The following COL11A1 variants were observed in gnomAD, a reference collection of about 807,000 sequenced individuals.
COL11A1 encodes the protein collagen type XI alpha 1 chain.
Under a neutral mutation model 265.2 loss-of-function variants are expected in COL11A1, and 74 were observed. That is an observed-to-expected ratio of 0.28 (90% confidence interval 0.23 to 0.34). The LOEUF (loss-of-function observed/expected upper bound fraction) is 0.34. Among genes scored for constraint, COL11A1 ranks in the 10% least tolerant of loss-of-function variants. The pLI is 1.00. For synonymous variants in COL11A1, 816 were observed against 727.6 expected (o/e 1.12, Z -1.96); for missense variants, 2,165 against 2,263.6 (o/e 0.96, Z 0.88).
intron 63 of COL11A1, among the ~76,000 whole-genome samples, chr1:102,885,873 G>T (rs1282808575): frequency 1.3e-5 from 2 of 152,016 alleles, no homozygotes; most frequent in African/African-American, 4.8e-5. Flanking sequence ...GTATAGGAAC[G>T]CTAATAATTA....
rs757184774 is a variant in COL11A1 at position 103,025,563 on chromosome 1, A to G, written c.948T>C (p.Ser316=). The G allele has an allele frequency of 6.2e-7, 1 of 1,613,800 alleles. No individual in the cohort carries two copies. Among genetic ancestry groups the G allele is most frequent in the Non-Finnish European group, 8.5e-7 (1 of 1,179,874 alleles). The change falls in exon 7 of 67, where the codon AGT becomes AGC. Residue 316 remains serine, a synonymous_variant. Transcript: ENST00000370096. ...CATGCCTAGGAGCTTCTGTCTGGTA[A>G]CTTTCCATTGTTCCATAGTTGTATT... ...FQEYNYGTME[S]YQTEAPRHVS... is the part of the protein sequence containing the mutation.
intron 14 of COL11A1, among the ~76,000 whole-genome samples, chr1:103,010,793 C>T (rs1372230558): frequency 2.6e-5 from 4 of 151,870 alleles, no homozygotes; most frequent in Non-Finnish European, 4.4e-5. Context: ...CTCCACATCC[C>T]GGGTTCAAGC....
At chr1:103,046,998 G>C (rs1205173436) in intron 4 of COL11A1, among the ~76,000 whole-genome samples, 1 of 152,066 alleles carries the variant, frequency 6.6e-6, no homozygotes, top group Non-Finnish European at 1.5e-5. Flanking sequence ...ATGTTGTTTT[G>C]GTTACTGTAG....
At chr1:102,943,236 T>G (rs958522274) in intron 42 of COL11A1, among the ~76,000 whole-genome samples, 1 of 152,054 alleles carries the variant, frequency 6.6e-6, no homozygotes, top group Admixed American at 6.6e-5. Flanking sequence ...GATTTACATG[T>G]CCCTACTCCA....
At chr1:103,094,780 T>C (rs1673609939) in intron 1 of COL11A1, among the ~76,000 whole-genome samples, 1 of 152,132 alleles carries the variant, frequency 6.6e-6, no homozygotes, top group Non-Finnish European at 1.5e-5. Flanking sequence ...TAATCAACTG[T>C]TTATTTTGTC....
intron 42 of COL11A1, among the ~76,000 whole-genome samples, chr1:102,943,277 A>C (rs1286247501): frequency 6.6e-6 from 1 of 151,746 alleles, no homozygotes; most frequent in Non-Finnish European, 1.5e-5. Context: ...TTTCTTTTTG[A>C]ATCAATTTAG....
At chr1:102,896,987 T>C (rs539938242) in intron 57 of COL11A1, among the ~76,000 whole-genome samples, 1 of 152,102 alleles carries the variant, frequency 6.6e-6, no homozygotes, top group Admixed American at 6.5e-5. Flanking sequence ...GGGGCCCTTT[T>C]CCTAAGCTGA....
At chr1:103,031,035 A>T in intron 5 of COL11A1, 81 bp downstream of exon 5, 2 of 1,480,908 alleles carry the variant, frequency 1.4e-6, no homozygotes, top group Non-Finnish European at 1.9e-6. Flanking sequence ...AAATGGAATA[A>T]ATAAGTATAA....
chr1:103,017,824 T>C lies in COL11A1; in HGVS notation c.1409A>G (p.Asp470Gly). 1.2e-6 allele frequency: 2 copies of C among 1,612,350 alleles called. No individual in the cohort carries two copies. Among genetic ancestry groups the C allele is most frequent in the Non-Finnish European group, 1.7e-6 (2 of 1,178,540 alleles). ...GPTGPPGDPG[D>G]RGPPGRPGLP... is the part of the protein sequence containing the mutation. ...ATATCATGTCCATTCACTTACCCTA[T>C]CGCCAGGGTCACCAGGGGGTCCAGT... Residue 470 changes from aspartate to glycine, a missense_variant, in exon 11 of 67, where the codon GAT (aspartate) becomes GGT (glycine). Coordinates refer to ENST00000370096, the MANE Select transcript of COL11A1 (RefSeq NM_001854.4).
chr1:102,901,236 C>T (rs868158354), intron 54 of COL11A1, among the ~76,000 whole-genome samples: 2 of 151,494 alleles, frequency 1.3e-5, no homozygotes, highest in Middle Eastern at 6.8e-3. Context: ...AGGAGAATCG[C>T]TTGAACCCGG....
chr1:103,012,670 A>G (rs1488473338), intron 13 of COL11A1, among the ~76,000 whole-genome samples: 1 of 152,106 alleles, frequency 6.6e-6, no homozygotes, highest in African/African-American at 2.4e-5. Flanking sequence ...CATTTTAAAA[A>G]CTTTTTAACA....
chr1:103,103,310 A>AT (rs1394473024), intron 1 of COL11A1, among the ~76,000 whole-genome samples: 1 of 152,098 alleles, frequency 6.6e-6, no homozygotes, highest in Admixed American at 6.5e-5. Context: ...GAAATTTGCC[A>AT]TTTTTTATTT....
intron 24 of COL11A1, 55 bp from the exon 25 acceptor site, chr1:102,998,418 A>C (rs1570985350): frequency 7.7e-7 from 1 of 1,296,730 alleles, no homozygotes; most frequent in Non-Finnish European, 1.1e-6. Flanking sequence ...AAAAGCTTTA[A>C]CGTGTACATA....
In COL11A1 at chr1:102,898,733, G is replaced by T; in HGVS notation, c.4181C>A (p.Pro1394Gln). 6.2e-7 allele frequency: 1 copy of T among 1,613,068 alleles called. No individual in the cohort carries two copies. Among genetic ancestry groups the T allele is most frequent in the Non-Finnish European group, 8.5e-7 (1 of 1,179,442 alleles). Residue 1394 changes from proline (P) to glutamine (Q), a missense_variant, in exon 56 of 67, where the codon CCA (proline) becomes CAA (glutamine). By Grantham distance (76) the Pro-to-Gln change is moderately conservative. Coordinates refer to ENST00000370096, the MANE Select transcript of COL11A1 (RefSeq NM_001854.4). ...TCCTGCAGGTCCCTGAGGACCGACT[G>T]GGCCGGTTTTTCCAGGAGGACCTTC... ...GAEGPPGKTG[P>Q]VGPQGPAGKP...
rs145824099 is a variant in COL11A1 at position 102,917,243 on chromosome 1, C to A, written c.3763-1559G>T. Among the ~76,000 whole-genome samples, 1,461 of 151,884 alleles carry A rather than the reference C, an allele frequency of 9.6e-3. 9 individuals carry two copies. Among genetic ancestry groups the A allele is most frequent in the Middle Eastern group, 0.031 (9 of 294 alleles). On this transcript the variant is annotated intron_variant, in intron 49 of 66. Coordinates refer to ENST00000370096, the MANE Select transcript of COL11A1 (RefSeq NM_001854.4). ...TTGACAAAAACAAAAAGGAAAAGAT[C>A]CTCTTTTCAATAAATGGTGCTGAGA...
intron 37 of COL11A1, among the ~76,000 whole-genome samples, chr1:102,968,845 T>C (rs1276253960): frequency 6.6e-6 from 1 of 152,238 alleles, no homozygotes; most frequent in East Asian, 1.9e-4. Context: ...GTGATATAAT[T>C]ATTTTTGTTA....
chr1:103,006,373 T>G, intron 15 of COL11A1, 58 bp from the exon 16 acceptor site: 1 of 1,335,864 alleles, frequency 7.5e-7, no homozygotes, highest in Non-Finnish European at 1.1e-6. Context: ...ATAAACTCAA[T>G]AGCATCAAGA....
At chr1:102,941,833 G>T (rs539664801) in intron 42 of COL11A1, among the ~76,000 whole-genome samples, 223 of 152,166 alleles carry the variant, frequency 1.5e-3, no homozygotes, top group African/African-American at 5.2e-3. Flanking sequence ...TTATCAAATT[G>T]CCCTATCAGA....
chr1:103,050,185 C>T (rs1487888205), intron 4 of COL11A1, among the ~76,000 whole-genome samples: 1 of 152,198 alleles, frequency 6.6e-6, no homozygotes, highest in Non-Finnish European at 1.5e-5. Context: ...GGATAATATC[C>T]TGCAGAGTGT....
Sources: allele counts gnomAD v4.1 joint callset (sites outside exome capture counted in the v4.1 genomes callset), GRCh38; gene constraint gnomAD v4.1.1; transcripts MANE v1.5; gene names NCBI Gene and HGNC (gene_info 2026-07-23, HGNC 2026-07-21).